Variants in GRM1 observed in about 807,000 individuals in gnomAD.
GRM1 encodes the protein glutamate metabotropic receptor 1.
GRM1 carries 33 observed loss-of-function variants against 90.9 expected under a neutral mutation model. The observed-to-expected ratio is 0.36, with a 90% CI of 0.28 to 0.49. GRM1 has a LOEUF of 0.49. GRM1 is among the 20% of genes least tolerant of loss of function. GRM1 has a pLI of 0.99. For synonymous variants in GRM1, 700 were observed against 613.2 expected, an observed-to-expected ratio of 1.14 and a Z score of -2.09; for missense variants, 1,190 against 1,534.3, an observed-to-expected ratio of 0.78 and a Z score of 3.75.
At position 146,274,273 on chromosome 6, in the gene GRM1, C is replaced by A. The variant is rs551092198; in HGVS notation, c.951-30338C>A. ...TAATTTTATCTAAATGTTGTCAATT[C>A]AATTAACATAATTTTTAAAAACTTG... is the stretch of plus-strand genomic sequence containing the variant. On this transcript the variant is annotated intron_variant, in intron 2 of 7. Transcript: ENST00000282753. Among the ~76,000 whole-genome samples the A allele has an allele frequency of 2.0e-5, 3 of 152,274 alleles. No individual in the cohort carries two copies. The East Asian group carries it at 5.8e-4, about 29-fold the overall frequency.
intron 2 of GRM1, among the ~76,000 whole-genome samples, chr6:146,222,562 G>C (rs1249608019): frequency 6.6e-6 from 1 of 152,024 alleles, no homozygotes; most frequent in African/African-American, 2.4e-5. Flanking sequence ...GGAAAGGAGA[G>C]ACAGAGAGAG....
intron 2 of GRM1, among the ~76,000 whole-genome samples, chr6:146,207,943 AT>A (rs780381242): frequency 2.0e-5 from 3 of 152,154 alleles, no homozygotes; most frequent in Non-Finnish European, 4.4e-5. Flanking sequence ...ATTTATAGGC[AT>A]TTTTATCTAA....
Position 146,434,623 on chromosome 6 carries a change from AC to A in GRM1, c.3416del (p.Pro1139ArgfsTer7). On this transcript the variant is annotated frameshift_variant, in exon 8 of 8. Transcript: ENST00000282753. LOFTEE classifies it high-confidence loss of function. ...GGACCTGCAGGCGGCCAGCAAACTG[AC>A]CCCGGATGATTCGCCTGCGCTGACG... ...EEDLQAASKL[T>X]PDDSPALTPP... 1 of 1,612,176 alleles carries A rather than the reference AC, an allele frequency of 6.2e-7. No homozygotes were observed.
At chr6:146,369,834 G>T (rs190365645) in intron 5 of GRM1, among the ~76,000 whole-genome samples, 23 of 152,088 alleles carry the variant, frequency 1.5e-4, no homozygotes, top group Admixed American at 7.9e-4. Context: ...TGTCAGTTAG[G>T]TCCATTTGGT....
chr6:146,310,619 A>G (rs1275232980), intron 3 of GRM1, among the ~76,000 whole-genome samples: 5 of 152,188 alleles, frequency 3.3e-5, no homozygotes, highest in Non-Finnish European at 7.4e-5. Flanking sequence ...TACCTGTTGA[A>G]TCTGAATTGA....
chr6:146,086,386 T>G (rs575127187), intron 1 of GRM1, among the ~76,000 whole-genome samples: 1 of 152,150 alleles, frequency 6.6e-6, no homozygotes, highest in African/African-American at 2.4e-5. Context: ...TACAACAGAT[T>G]AGTGGAAAAG....
chr6:146,369,689 T>C (rs1775827378), intron 5 of GRM1, among the ~76,000 whole-genome samples: 1 of 152,068 alleles, frequency 6.6e-6, no homozygotes, highest in African/African-American at 2.4e-5. Context: ...AGATGTATGA[T>C]ATAATTTTGA....
chr6:146,076,229 G>A (rs1776182803), intron 1 of GRM1, among the ~76,000 whole-genome samples: 1 of 152,164 alleles, frequency 6.6e-6, no homozygotes, highest in African/African-American at 2.4e-5. Context: ...AGAACCAGGA[G>A]ACAGCCTGGT....
At position 146,355,247 on chromosome 6, in the gene GRM1, A is replaced by T. The variant is rs1054657024; in HGVS notation, c.1434-2279A>T. On this transcript the variant is annotated intron_variant, in intron 4 of 7. Coordinates refer to ENST00000282753, the MANE Select transcript of GRM1 (RefSeq NM_001278064.2). ...GCTCTAATGAATCTAAAATGGAAAG[A>T]TATCAGAGGTGTAGATTAGTGTCAT... 2.7e-4 allele frequency among the ~76,000 whole-genome samples: 41 copies of T among 152,204 alleles called. 1 individual carries two copies. The highest frequency in any genetic ancestry group is 9.9e-4 in the African/African-American group (41 of 41,454).
intron 2 of GRM1, among the ~76,000 whole-genome samples, chr6:146,225,838 G>A (rs1007757181): frequency 2.6e-5 from 4 of 151,984 alleles, no homozygotes; most frequent in African/African-American, 9.7e-5. Context: ...AATGAATATA[G>A]GATATTTTTA....
intron 1 of GRM1, among the ~76,000 whole-genome samples, chr6:146,077,342 G>C (rs1776220560): frequency 6.6e-6 from 1 of 152,168 alleles, no homozygotes; most frequent in African/African-American, 2.4e-5. Context: ...ACTTCCTGGT[G>C]GTACAGGATG....
intron 3 of GRM1, among the ~76,000 whole-genome samples, chr6:146,320,073 C>A (rs1191606077): frequency 6.6e-6 from 1 of 152,140 alleles, no homozygotes. Context: ...CCAGCTATTG[C>A]CCATTCAGTA....
At chr6:146,209,593 A>G (rs1779613122) in intron 2 of GRM1, among the ~76,000 whole-genome samples, 1 of 152,158 alleles carries the variant, frequency 6.6e-6, no homozygotes, top group Non-Finnish European at 1.5e-5. Flanking sequence ...AGATTCATGG[A>G]AAATGGTTTG....
At chr6:146,226,817 C>G (rs566579228) in intron 2 of GRM1, among the ~76,000 whole-genome samples, 1 of 152,220 alleles carries the variant, frequency 6.6e-6, no homozygotes, top group Admixed American at 6.5e-5. Context: ...TGCTGTTGAT[C>G]TCTGAACACA....
chr6:146,306,278 A>G (rs1054435810), intron 3 of GRM1, among the ~76,000 whole-genome samples: 2 of 152,204 alleles, frequency 1.3e-5, no homozygotes, highest in Non-Finnish European at 2.9e-5. Context: ...CTGAAATAAT[A>G]GATAAACCAA....
At chr6:146,417,020 C>G (rs141201964) in intron 7 of GRM1, among the ~76,000 whole-genome samples, 115 of 152,200 alleles carry the variant, frequency 7.6e-4, no homozygotes, top group African/African-American at 2.7e-3. Flanking sequence ...GTTCTAGCTG[C>G]CTTGGAGCAC....
chr6:146,140,763 T>A (rs1268494185), intron 1 of GRM1, among the ~76,000 whole-genome samples: 1 of 152,244 alleles, frequency 6.6e-6, no homozygotes, highest in African/African-American at 2.4e-5. Flanking sequence ...GTTTTTAACT[T>A]TTTTTAACAG....
rs1778575778 is a variant in GRM1 at position 146,435,736 on chromosome 6, C to A, written c.*940C>A. On this transcript the variant is annotated 3_prime_UTR_variant, in exon 8 of 8. Transcript: ENST00000282753. ...TGGCAGAAACCCTTTTGTAGATTGA[C>A]TTGTGTTTGTGCCAAGCGGGCTTTC... 1 of 152,568 alleles carries A rather than the reference C, an allele frequency of 6.6e-6. No individual in the cohort carries two copies. Among genetic ancestry groups the A allele is most frequent in the South Asian group, 2.1e-4 (1 of 4,826 alleles). The allele number at this position is 152,568 out of a possible 1,614,324, so 9.5% of individuals were successfully genotyped here.
At chr6:146,066,882 C>T (rs1220277038) in intron 1 of GRM1, among the ~76,000 whole-genome samples, 1 of 151,816 alleles carries the variant, frequency 6.6e-6, no homozygotes, top group East Asian at 1.9e-4. Context: ...TCTTTGAGAA[C>T]TTGCTCTGTT....
Sources: allele counts gnomAD v4.1 joint callset (sites outside exome capture counted in the v4.1 genomes callset), GRCh38; gene constraint gnomAD v4.1.1; transcripts MANE v1.5; gene names NCBI Gene and HGNC (gene_info 2026-07-23, HGNC 2026-07-21).